The following ZNF385D variants were observed in gnomAD, a reference collection of about 807,000 sequenced individuals.
ZNF385D encodes zinc finger protein 659.
In ZNF385D, 15 loss-of-function variants were observed where a neutral mutation model predicts 35.8. That is an observed-to-expected ratio of 0.42 (90% confidence interval 0.28 to 0.64). The LOEUF (loss-of-function observed/expected upper bound fraction) is 0.64. ZNF385D is among the 30% of genes least tolerant of loss of function. ZNF385D has a pLI of 0.23. For missense variants in ZNF385D, 474 were observed against 494.6 expected (o/e 0.96, Z 0.39); for synonymous variants, 212 against 186.8 (o/e 1.13, Z -1.10).
chr3:21,941,818 C>T (rs947056911), intron 3 of ZNF385D, among the ~76,000 whole-genome samples: 1 of 150,258 alleles, frequency 6.7e-6, no homozygotes, highest in Non-Finnish European at 1.5e-5. Flanking sequence ...TGTGTTATGG[C>T]CCACCTCATT....
chr3:22,012,817 C>G (rs1696661389), intron 3 of ZNF385D, among the ~76,000 whole-genome samples: 1 of 152,028 alleles, frequency 6.6e-6, no homozygotes, highest in Non-Finnish European at 1.5e-5. Flanking sequence ...CAGCTCCTGT[C>G]TAAATTTAAG....
At chr3:22,247,615 T>A (rs1031654613) in intron 2 of ZNF385D, among the ~76,000 whole-genome samples, 1 of 148,204 alleles carries the variant, frequency 6.7e-6, no homozygotes, top group East Asian at 2.0e-4. Flanking sequence ...CATTTTACAA[T>A]TTTATTTATT....
At chr3:22,013,034 C>G (rs1462166502) in intron 3 of ZNF385D, among the ~76,000 whole-genome samples, 3 of 151,668 alleles carry the variant, frequency 2.0e-5, no homozygotes, top group Non-Finnish European at 4.4e-5. Context: ...ATTAGCAGAA[C>G]AAAAATTTAA....
At chr3:21,845,381 C>T (rs984762899) in intron 3 of ZNF385D, among the ~76,000 whole-genome samples, 18 of 152,144 alleles carry the variant, frequency 1.2e-4, no homozygotes, top group Admixed American at 9.8e-4. Context: ...TACACAGTAG[C>T]TCCTACGACT....
intron 2 of ZNF385D, among the ~76,000 whole-genome samples, chr3:22,226,234 T>C (rs1698550178): frequency 6.6e-6 from 1 of 152,182 alleles, no homozygotes; most frequent in South Asian, 2.1e-4. Flanking sequence ...GAGTATTCAC[T>C]TTTACCACAG....
At chr3:22,114,011 C>T (rs944980132) in intron 3 of ZNF385D, among the ~76,000 whole-genome samples, 1 of 151,996 alleles carries the variant, frequency 6.6e-6, no homozygotes, top group Non-Finnish European at 1.5e-5. Flanking sequence ...ATATTTGATT[C>T]TATAAATGTT....
At chr3:21,885,538 C>G (rs1698495301) in intron 3 of ZNF385D, among the ~76,000 whole-genome samples, 1 of 151,812 alleles carries the variant, frequency 6.6e-6, no homozygotes, top group Admixed American at 6.6e-5. Flanking sequence ...AAATTGCAAT[C>G]AGAGATCAGC....
chr3:22,116,698 A>T (rs913826354), intron 3 of ZNF385D, among the ~76,000 whole-genome samples: 7 of 152,188 alleles, frequency 4.6e-5, no homozygotes, highest in African/African-American at 1.4e-4. Context: ...TAAAACCAAA[A>T]TTTGTCAGTC....
chr3:21,663,295 C>T lies in ZNF385D; in HGVS notation c.165+1591G>A, dbSNP rs201732287. ...ATGTTAAATGATATTCATTGTCAGT[C>T]AAGTTAACCACTTTGTTATTAATAT... On this transcript the variant is annotated intron_variant, in intron 2 of 7. Coordinates refer to ENST00000281523, the MANE Select transcript of ZNF385D (RefSeq NM_024697.3). 5.3e-5 allele frequency among the ~76,000 whole-genome samples: 8 copies of T among 152,286 alleles called. No individual in the cohort carries two copies. The East Asian group carries it at 1.5e-3, about 29-fold the overall frequency.
chr3:22,176,179 C>A (rs1694820584), intron 2 of ZNF385D, among the ~76,000 whole-genome samples: 1 of 151,846 alleles, frequency 6.6e-6, no homozygotes, highest in Admixed American at 6.6e-5. Context: ...CATATTCTAA[C>A]ACAACATTCA....
chr3:21,724,874 A>C (rs2068694985), intron 1 of ZNF385D, among the ~76,000 whole-genome samples: 1 of 152,184 alleles, frequency 6.6e-6, no homozygotes, highest in African/African-American at 2.4e-5. Context: ...AATCAACAGA[A>C]TATACATTCT....
intron 2 of ZNF385D, among the ~76,000 whole-genome samples, chr3:22,344,282 T>C (rs1168055146): frequency 6.6e-6 from 1 of 152,042 alleles, no homozygotes; most frequent in African/African-American, 2.4e-5. Context: ...AAATTTCATC[T>C]CTACTCACTA....
intron 2 of ZNF385D, among the ~76,000 whole-genome samples, chr3:22,246,438 CA>C (rs1305673860): frequency 6.6e-6 from 1 of 151,958 alleles, no homozygotes; most frequent in Non-Finnish European, 1.5e-5. Flanking sequence ...AGACGGCCCT[CA>C]AAAAAGAAAC....
At chr3:21,964,505 T>TC (rs1702790863) in intron 3 of ZNF385D, among the ~76,000 whole-genome samples, 2 of 76,354 alleles carry the variant, frequency 2.6e-5, no homozygotes, top group East Asian at 3.4e-4. Flanking sequence ...TTTTTTTTTT[T>TC]CTGAGACGGA....
At chr3:22,081,773 G>A (rs1056971158) in intron 3 of ZNF385D, among the ~76,000 whole-genome samples, 2 of 152,064 alleles carry the variant, frequency 1.3e-5, no homozygotes, top group African/African-American at 4.8e-5. Context: ...CTAAAATATT[G>A]ATTCTCTGGT....
At chr3:21,975,754 T>TACAC (rs367855314) in intron 3 of ZNF385D, among the ~76,000 whole-genome samples, 2 of 115,502 alleles carry the variant, frequency 1.7e-5, no homozygotes, top group South Asian at 2.7e-4. Context: ...TATATATATA[T>TACAC]ACACACACTA....
In ZNF385D at chr3:22,113,855, C is replaced by G. The variant is rs543980728; in HGVS notation, c.325+54962G>C. On this transcript the variant is annotated intron_variant, in intron 3 of 5. Transcript: ENST00000494108. ...TTGAATACATCAATAGAGATCATTCCTATTACCCAGAATTACAGCTCATTT... is the reference window on the plus strand; with the variant it reads ...TTGAATACATCAATAGAGATCATTCGTATTACCCAGAATTACAGCTCATTT... 5.9e-5 allele frequency among the ~76,000 whole-genome samples: 9 copies of G among 152,178 alleles called. No individual in the cohort carries two copies. The South Asian group carries it at 1.9e-3, about 32-fold the overall frequency.
chr3:21,632,450 G>A (rs577884856), intron 2 of ZNF385D, among the ~76,000 whole-genome samples: 8 of 152,102 alleles, frequency 5.3e-5, no homozygotes, highest in Non-Finnish European at 1.0e-4. Context: ...AGTTTAAACC[G>A]TTGGGAAATA....
intron 4 of ZNF385D, among the ~76,000 whole-genome samples, chr3:21,440,355 A>T (rs73045438): frequency 0.28 from 42,461 of 151,948 alleles, 6,611 homozygotes; most frequent in Middle Eastern, 0.44. Flanking sequence ...CTGTCTAACC[A>T]TGAGAAAAAC....
Sources: gnomAD v4.1 joint callset for allele counts (sites outside exome capture counted in the v4.1 genomes callset) on GRCh38, gnomAD v4.1.1 for gene constraint, MANE v1.5 for transcripts, NCBI Gene and HGNC (gene_info 2026-07-23, HGNC 2026-07-21) for gene names.